The following CHD1L variants were observed in gnomAD, a reference collection of about 807,000 sequenced individuals.
CHD1L encodes chromodomain helicase DNA binding protein 1 like.
CHD1L carries 118 observed loss-of-function variants against 115.9 expected under a neutral mutation model. That is an observed-to-expected ratio of 1.02 (90% CI 0.88 to 1.19). The LOEUF is 1.19. Ranked by LOEUF, CHD1L falls within the 50% of genes most tolerant of loss-of-function variation. The pLI, the probability that CHD1L is intolerant of heterozygous loss-of-function variation, is 0.00. For missense variants in CHD1L, 1,179 were observed against 1,065.3 expected (o/e 1.11, Z -1.49); for synonymous variants, 411 against 387.1 (o/e 1.06, Z -0.72).
intron 19 of CHD1L, among the ~76,000 whole-genome samples, chr1:147,290,817 CTT>C (rs1298251780): frequency 6.6e-6 from 1 of 152,178 alleles, no homozygotes; most frequent in Non-Finnish European, 1.5e-5. Context: ...CCAAACCTAA[CTT>C]TTTCTTATTT....
At chr1:147,194,992 T>C in the CHD1L span, among the ~76,000 whole-genome samples, 3 of 151,672 alleles carry the variant, frequency 2.0e-5, no homozygotes, top group African/African-American at 7.3e-5. Flanking sequence ...TGTCTTGGAG[T>C]TGCTCTTCTT....
intron 12 of CHD1L, among the ~76,000 whole-genome samples, chr1:147,274,791 A>G (rs1677682668): frequency 1.3e-5 from 2 of 152,196 alleles, no homozygotes; most frequent in South Asian, 4.1e-4. Context: ...TGTGGAAACC[A>G]GTACAAAAAA....
chr1:147,186,850 A>T, the CHD1L span: 1 of 1,563,372 alleles, frequency 6.4e-7, no homozygotes, highest in Non-Finnish European at 8.6e-7. Context: ...TTCTGAAGGC[A>T]TCTGTAGATA....
At chr1:147,188,271 C>A in the CHD1L span, among the ~76,000 whole-genome samples, 1 of 152,024 alleles carries the variant, frequency 6.6e-6, no homozygotes, top group Non-Finnish European at 1.5e-5. Context: ...GCCTGTAATC[C>A]TAGCACTTTG....
At chr1:147,227,368 C>T in the CHD1L span, among the ~76,000 whole-genome samples, 1 of 152,162 alleles carries the variant, frequency 6.6e-6, no homozygotes, top group African/African-American at 2.4e-5. Context: ...TAATTTCCTC[C>T]TACTGAATCA....
At chr1:147,265,868 C>G (rs758474386) in intron 7 of CHD1L, 64 bp from the exon 8 acceptor site, 7 of 1,462,346 alleles carry the variant, frequency 4.8e-6, no homozygotes, top group Non-Finnish European at 6.5e-6. Context: ...TTTAAGTTCT[C>G]TAGGGTTCAT....
At chr1:147,293,584 T>C (rs1553972798) in intron 20 of CHD1L, 24 bp from the exon 21 acceptor site, 1 of 1,599,846 alleles carries the variant, frequency 6.3e-7, no homozygotes, top group Non-Finnish European at 8.6e-7. Flanking sequence ...GTTGGGTTGG[T>C]CATCTAATGG....
rs144288940 is a variant in CHD1L at position 147,265,973 on chromosome 1, C to G, written c.781C>G (p.Arg261Gly). Residue 261 changes from arginine to glycine, a missense_variant, in exon 8 of 23, where the codon CGA becomes GGA. By Grantham distance (125) the Arg-to-Gly change is moderately radical. Coordinates refer to ENST00000369258, the MANE Select transcript of CHD1L (RefSeq NM_004284.6). ...HKLLQPFLLR[R>G]VKAEVATELP... ...ACTCTTGCAGCCATTTCTGCTGAGG[C>G]GAGTGAAAGCTGAGGTAGCTACAGA... The G allele has an allele frequency of 1.2e-6, 2 of 1,613,346 alleles. No homozygotes were observed. The highest frequency in any genetic ancestry group is 1.7e-6 in the Non-Finnish European group (2 of 1,179,706).
chr1:147,255,000 TTTTATTG>T (rs1302989220), intron 3 of CHD1L, 24 bp downstream of exon 3: 2 of 1,500,104 alleles, frequency 1.3e-6, no homozygotes. Flanking sequence ...GTAGCTGAAA[TTTTATTG>T]TTTATCTTGA....
chr1:147,190,291 G>A, the CHD1L span: 1 of 1,198,370 alleles, frequency 8.3e-7, no homozygotes, highest in Non-Finnish European at 1.2e-6. Context: ...AATTACCTCA[G>A]AAGGAACAAT....
At chr1:147,269,112 C>T (rs1351005110) in intron 10 of CHD1L, among the ~76,000 whole-genome samples, 1 of 152,162 alleles carries the variant, frequency 6.6e-6, no homozygotes, top group Non-Finnish European at 1.5e-5. Flanking sequence ...TAATCCAGCA[C>T]TTGGCAATGT....
chr1:147,252,608 A>G lies in CHD1L; in HGVS notation c.128-15A>G, dbSNP rs781845575. The G allele has an allele frequency of 1.9e-6, 3 of 1,605,198 alleles. No homozygotes were observed. The East Asian group carries it at 6.7e-5, about 36-fold the overall frequency. On this transcript the variant is annotated splice_polypyrimidine_tract_variant and intron_variant, in intron 1 of 22. Coordinates refer to ENST00000369258, the MANE Select transcript of CHD1L (RefSeq NM_004284.6). ...AATGTCTGCTCTTCGGATTTGCTGT[A>G]TTTTTTGTTTCTAGGGATTCACCTA...
chr1:147,224,856 G>A, the CHD1L span: 2 of 1,593,370 alleles, frequency 1.3e-6, no homozygotes, highest in Non-Finnish European at 8.6e-7. Context: ...TAGTTGCAGG[G>A]AGGGTTTCAA....
intron 1 of CHD1L, among the ~76,000 whole-genome samples, chr1:147,249,069 T>C (rs1022762464): frequency 1.3e-5 from 2 of 152,152 alleles, no homozygotes; most frequent in African/African-American, 4.8e-5. Context: ...TATCATTTCC[T>C]TTTTTTCCAA....
intron 1 of CHD1L, among the ~76,000 whole-genome samples, chr1:147,246,034 A>G (rs1243951882): frequency 1.3e-5 from 2 of 152,198 alleles, no homozygotes; most frequent in South Asian, 2.1e-4. Context: ...GCACTTTGAT[A>G]GCTACACTCA....
chr1:147,255,705 T>G, intron 3 of CHD1L, 108 bp from the exon 4 acceptor site: 1 of 690,406 alleles, frequency 1.4e-6, no homozygotes, highest in Non-Finnish European at 2.3e-6. Context: ...TAGGACCTCA[T>G]GAGTTCTGTA....
chr1:147,277,802 A>C (rs1679107436), intron 14 of CHD1L, among the ~76,000 whole-genome samples: 1 of 152,238 alleles, frequency 6.6e-6, no homozygotes, highest in Non-Finnish European at 1.5e-5. Flanking sequence ...AGAGAAGGTC[A>C]CTGCTGGGCA....
the CHD1L span, chr1:147,204,976 G>T: frequency 1.7e-6 from 2 of 1,163,016 alleles, no homozygotes; most frequent in Non-Finnish European, 2.6e-6. Flanking sequence ...TCAGAAGACC[G>T]CGGAGGAACC....
chr1:147,268,983 T>TC, intron 10 of CHD1L, 105 bp downstream of exon 10: 2 of 784,438 alleles, frequency 2.5e-6, no homozygotes, highest in Admixed American at 2.6e-5. Flanking sequence ...TTCTTTTTTT[T>TC]CTTAACACTG....
Sources: allele counts gnomAD v4.1 joint callset (sites outside exome capture counted in the v4.1 genomes callset), GRCh38; gene constraint gnomAD v4.1.1; transcripts MANE v1.5; gene names NCBI Gene and HGNC (gene_info 2026-07-23, HGNC 2026-07-21).